TMEM117: variants seen among roughly 807,000 people sequenced by gnomAD.
The protein encoded by TMEM117 is transmembrane protein 117.
In TMEM117, 27 loss-of-function variants were observed where a neutral mutation model predicts 52.4. The ratio of observed to expected loss-of-function variants is 0.51; its 90% CI spans 0.38 to 0.71. TMEM117 has a LOEUF of 0.71. Ranked by LOEUF, TMEM117 falls within the 30% of genes least tolerant of loss-of-function variation. The probability of loss-of-function intolerance (pLI) is 0.00; values close to 1 mark genes in which losing one functional copy is unlikely to be tolerated. For synonymous variants in TMEM117, 215 were observed against 206.3 expected, an observed-to-expected ratio of 1.04 and a Z score of -0.36; for missense variants, 556 against 630.5, an observed-to-expected ratio of 0.88 and a Z score of 1.26.
chr12:44,181,058 A>G (rs1208118538), intron 4 of TMEM117, among the ~76,000 whole-genome samples: 2 of 152,126 alleles, frequency 1.3e-5, no homozygotes, highest in Admixed American at 6.5e-5. Flanking sequence ...ACTGGTGTAA[A>G]ATGGTATCTC....
At chr12:44,022,235 C>T (rs929226383) in intron 3 of TMEM117, among the ~76,000 whole-genome samples, 27 of 152,126 alleles carry the variant, frequency 1.8e-4, no homozygotes, top group Non-Finnish European at 4.0e-4. Context: ...AGCCATTTAG[C>T]CTCTCTGAGC....
At chr12:43,923,037 G>T (rs1427365010) in intron 2 of TMEM117, among the ~76,000 whole-genome samples, 1 of 152,170 alleles carries the variant, frequency 6.6e-6, no homozygotes, top group Admixed American at 6.5e-5. Flanking sequence ...TGCTGGAGGA[G>T]CAGAGCAGAA....
chr12:44,069,173 GT>G (rs1340450197), intron 3 of TMEM117, among the ~76,000 whole-genome samples: 3 of 151,996 alleles, frequency 2.0e-5, no homozygotes, highest in Non-Finnish European at 4.4e-5. Context: ...ATAATAAAAT[GT>G]TTTTTAAAAT....
chr12:44,189,299 A>C (rs1949320475), intron 4 of TMEM117, among the ~76,000 whole-genome samples: 1 of 152,164 alleles, frequency 6.6e-6, no homozygotes, highest in Admixed American at 6.6e-5. Flanking sequence ...ATGTTTGCTA[A>C]GAATCTTTCT....
intron 5 of TMEM117, among the ~76,000 whole-genome samples, chr12:44,270,352 A>G (rs1244365047): frequency 6.6e-6 from 1 of 151,976 alleles, no homozygotes; most frequent in African/African-American, 2.4e-5. Flanking sequence ...TAAGTATTAT[A>G]TATTTATTTA....
chr12:43,797,582 A>T, the TMEM117 span: 1 of 1,423,938 alleles, frequency 7.0e-7, no homozygotes, highest in Non-Finnish European at 9.4e-7. Flanking sequence ...CACAATGAAC[A>T]TTTACAAAAT....
At chr12:44,244,667 A>T (rs1411765068) in intron 5 of TMEM117, among the ~76,000 whole-genome samples, 1 of 151,860 alleles carries the variant, frequency 6.6e-6, no homozygotes, top group Non-Finnish European at 1.5e-5. Context: ...AATTCTGTTG[A>T]TTATTTCCTT....
chr12:43,884,499 T>A (rs991022577), intron 2 of TMEM117, among the ~76,000 whole-genome samples: 16 of 152,336 alleles, frequency 1.1e-4, no homozygotes, highest in African/African-American at 3.1e-4. Flanking sequence ...TTTCATGGCC[T>A]CCAGTAAAGG....
chr12:43,898,375 A>G (rs930062546), intron 2 of TMEM117, among the ~76,000 whole-genome samples: 1 of 140,526 alleles, frequency 7.1e-6, no homozygotes, highest in Non-Finnish European at 1.6e-5. Flanking sequence ...TATTAATAAT[A>G]TATATTAATT....
At chr12:44,343,740 T>A (rs1288025295) in intron 6 of TMEM117, among the ~76,000 whole-genome samples, 1 of 152,170 alleles carries the variant, frequency 6.6e-6, no homozygotes, top group Non-Finnish European at 1.5e-5. Context: ...ATTTTATCAC[T>A]GTTTAAAATA....
chr12:43,920,906 C>G (rs1480699267), intron 2 of TMEM117, among the ~76,000 whole-genome samples: 1 of 152,066 alleles, frequency 6.6e-6, no homozygotes, highest in Non-Finnish European at 1.5e-5. Flanking sequence ...TCCTGTGGTT[C>G]CCTCCCTGTA....
intron 6 of TMEM117, among the ~76,000 whole-genome samples, chr12:44,323,603 A>C (rs114527125): frequency 0.048 from 7,304 of 152,222 alleles, 361 homozygotes; most frequent in African/African-American, 0.12. Context: ...ACATTAAGAA[A>C]ATAACTTATT....
intron 3 of TMEM117, among the ~76,000 whole-genome samples, chr12:43,992,850 GT>G (rs756942988): frequency 2.6e-5 from 4 of 152,200 alleles, no homozygotes; most frequent in Non-Finnish European, 5.9e-5. Flanking sequence ...TCCCTTAGGT[GT>G]AATAACCTTT....
intron 4 of TMEM117, among the ~76,000 whole-genome samples, chr12:44,178,360 A>G (rs1239600220): frequency 6.6e-6 from 1 of 152,074 alleles, no homozygotes; most frequent in Non-Finnish European, 1.5e-5. Context: ...ATTTAACCTT[A>G]TTTACTTTTA....
intron 3 of TMEM117, among the ~76,000 whole-genome samples, chr12:44,093,035 A>C (rs535315720): frequency 3.3e-5 from 5 of 151,072 alleles, no homozygotes; most frequent in Admixed American, 3.3e-4. Context: ...AATTAGACTG[A>C]AATGGGGGTG....
intron 2 of TMEM117, among the ~76,000 whole-genome samples, chr12:43,847,498 G>A (rs1943229946): frequency 6.6e-6 from 1 of 152,172 alleles, no homozygotes; most frequent in African/African-American, 2.4e-5. Flanking sequence ...AGTGGTCAAG[G>A]TTTGGAACAG....
chr12:44,020,677 T>G (rs527580242), intron 3 of TMEM117, among the ~76,000 whole-genome samples: 4 of 152,328 alleles, frequency 2.6e-5, no homozygotes, highest in Admixed American at 6.5e-5. Flanking sequence ...TTTCAATGAT[T>G]CCATAAACAT....
At chr12:44,351,095 A>G (rs1473082423) in intron 6 of TMEM117, among the ~76,000 whole-genome samples, 1 of 151,862 alleles carries the variant, frequency 6.6e-6, no homozygotes, top group Non-Finnish European at 1.5e-5. Flanking sequence ...TGTAATTTTG[A>G]TTTGCATTTC....
At chr12:44,092,244 C>T (rs572951262) in intron 3 of TMEM117, among the ~76,000 whole-genome samples, 7 of 152,264 alleles carry the variant, frequency 4.6e-5, no homozygotes, top group Middle Eastern at 3.4e-3. Context: ...ACTTTGTGTA[C>T]GCATTTATTA....
Sources: gnomAD v4.1 joint callset for allele counts (sites outside exome capture counted in the v4.1 genomes callset) on GRCh38, gnomAD v4.1.1 for gene constraint, MANE v1.5 for transcripts, NCBI Gene and HGNC (gene_info 2026-07-23, HGNC 2026-07-21) for gene names.